The following CPSF3 variants were observed in gnomAD, a reference collection of about 807,000 sequenced individuals.
The protein encoded by CPSF3 is cleavage and polyadenylation specific factor 3.
Under a neutral mutation model 84.1 loss-of-function variants are expected in CPSF3, and 57 were observed. The ratio of observed to expected loss-of-function variants is 0.68; its 90% CI spans 0.55 to 0.85. CPSF3 has a LOEUF of 0.85. Ranked by LOEUF, CPSF3 falls within the 40% of genes least tolerant of loss-of-function variation. The pLI, the probability that CPSF3 is intolerant of heterozygous loss-of-function variation, is 0.00. For missense variants in CPSF3, 522 were observed against 838.8 expected, an observed-to-expected ratio of 0.62 and a Z score of 4.66; for synonymous variants, 275 against 278.1, an observed-to-expected ratio of 0.99 and a Z score of 0.11.
rs764956084 is a variant in CPSF3, at chr2:9,441,919, T to C, written c.1038T>C (p.Thr346=). 56 of 1,614,048 alleles carry C rather than the reference T, an allele frequency of 3.5e-5. 2 individuals are homozygous for C. The South Asian group carries it at 6.1e-4, about 18-fold the overall frequency. The part of the protein sequence containing the change: ...LSRELFESWC[T]DKRNGVIIAG... ...GAGAATTATTTGAAAGCTGGTGTAC[T>C]GATAAGAGGAATGGTGTCATTATAG... Residue 346 remains threonine (T), a synonymous_variant, in exon 9 of 18, where the codon ACT becomes ACC. Transcript: ENST00000238112.
At chr2:9,456,874 T>A (rs1681547768) in intron 13 of CPSF3, 59 bp from the exon 14 acceptor site, 1 of 1,020,732 alleles carries the variant, frequency 9.8e-7, no homozygotes, top group African/African-American at 1.6e-5. Flanking sequence ...AACAAACGAA[T>A]GGTCTCTGGA....
intron 11 of CPSF3, among the ~76,000 whole-genome samples, chr2:9,450,366 G>A (rs1162865438): frequency 6.6e-6 from 1 of 151,736 alleles, no homozygotes; most frequent in African/African-American, 2.4e-5. Flanking sequence ...CATTGGCCAG[G>A]CTGGTCTCGA....
chr2:9,447,986 G>C (rs948177271), intron 10 of CPSF3, among the ~76,000 whole-genome samples: 1 of 152,148 alleles, frequency 6.6e-6, no homozygotes, highest in Non-Finnish European at 1.5e-5. Flanking sequence ...TTTACTCTTT[G>C]TTCAAATAGT....
Position 9,432,653 on chromosome 2 carries a change from G to A in CPSF3, c.484G>A (p.Ala162Thr). The A allele has an allele frequency of 6.4e-7, 1 of 1,561,648 alleles. No homozygotes were observed. The highest frequency in any genetic ancestry group is 8.8e-7 in the Non-Finnish European group (1 of 1,141,354). ...WCYHAGHVLGAAMFMIEIAGV... is the reference protein window; with the variant it reads ...WCYHAGHVLGTAMFMIEIAGV... ...TTACCATGCAGGTCACGTCCTAGGAGCCGCCATGTTCATGATTGAGATCGC... is the reference window on the plus strand; with the variant it reads ...TTACCATGCAGGTCACGTCCTAGGAACCGCCATGTTCATGATTGAGATCGC... The change falls in exon 5 of 18, where the codon GCC becomes ACC. Residue 162 changes from alanine to threonine, a missense_variant. Ala to Thr is a moderately conservative substitution (Grantham distance 58, BLOSUM62 0). This residue lies in a region of CPSF3 where 329 missense variants were observed against 607.2 expected (regional missense o/e 0.54). Transcript: ENST00000238112.
intron 8 of CPSF3, among the ~76,000 whole-genome samples, chr2:9,441,308 G>A (rs1680953590): frequency 1.3e-5 from 2 of 152,228 alleles, no homozygotes; most frequent in Admixed American, 6.5e-5. Context: ...ACTTCCAGTT[G>A]TAAATAGGCT....
At chr2:9,448,773 T>C (rs1015057143) in intron 11 of CPSF3, among the ~76,000 whole-genome samples, 21 of 152,224 alleles carry the variant, frequency 1.4e-4, no homozygotes, top group African/African-American at 5.1e-4. Flanking sequence ...GCCAGGATGG[T>C]CTTGATCTCT....
At chr2:9,448,398 G>T (rs773517310) in intron 11 of CPSF3, 48 bp downstream of exon 11, 4 of 1,455,816 alleles carry the variant, frequency 2.7e-6, no homozygotes, top group Non-Finnish European at 3.7e-6. Flanking sequence ...TTTTCTTCAG[G>T]AAAGACTGTA....
At chr2:9,424,182 A>G (rs1680243948) in intron 1 of CPSF3, 1 of 1,035,080 alleles carries the variant, frequency 9.7e-7, no homozygotes, top group Non-Finnish European at 1.2e-6. Context: ...GAGCCGGTGA[A>G]GCTTATGACC....
intron 11 of CPSF3, 92 bp from the exon 12 acceptor site, chr2:9,452,821 G>A: frequency 2.7e-6 from 2 of 753,484 alleles, no homozygotes; most frequent in Non-Finnish European, 2.2e-6. Context: ...GTTCAAAGGT[G>A]TTATGGTCTT....
chr2:9,470,344 T>A (rs1682121423), intron 16 of CPSF3, among the ~76,000 whole-genome samples: 1 of 152,226 alleles, frequency 6.6e-6, no homozygotes, highest in Non-Finnish European at 1.5e-5. Context: ...CACTCCCCAC[T>A]TCCCCCGCTT....
chr2:9,447,361 C>A (rs1439343111), intron 10 of CPSF3, among the ~76,000 whole-genome samples: 2 of 151,478 alleles, frequency 1.3e-5, no homozygotes, highest in Non-Finnish European at 2.9e-5. Flanking sequence ...TGCCTGTAGT[C>A]CCAGCTACGT....
intron 14 of CPSF3, 31 bp from the exon 15 acceptor site, chr2:9,459,500 T>C (rs749378539): frequency 2.0e-6 from 3 of 1,486,084 alleles, no homozygotes; most frequent in Non-Finnish European, 2.8e-6. Context: ...CCTAGGTAGG[T>C]CACTTCCTAA....
At chr2:9,442,354 A>G (rs1013513740) in intron 9 of CPSF3, among the ~76,000 whole-genome samples, 8 of 152,208 alleles carry the variant, frequency 5.3e-5, no homozygotes, top group Non-Finnish European at 1.0e-4. Flanking sequence ...ACCACTTTCT[A>G]CTATTATGAA....
chr2:9,440,745 G>T, intron 8 of CPSF3, 79 bp downstream of exon 8: 1 of 1,399,288 alleles, frequency 7.1e-7, no homozygotes, highest in Non-Finnish European at 1.0e-6. Flanking sequence ...GGCCGTGAGT[G>T]ATGGCTCACA....
intron 7 of CPSF3, among the ~76,000 whole-genome samples, chr2:9,438,545 G>C (rs1387209021): frequency 6.7e-6 from 1 of 148,352 alleles, no homozygotes; most frequent in Non-Finnish European, 1.5e-5. Flanking sequence ...TGTCACCCAG[G>C]CTGGAGTGTG....
chr2:9,462,860 G>A (rs766492046), intron 15 of CPSF3, among the ~76,000 whole-genome samples: 23 of 152,182 alleles, frequency 1.5e-4, no homozygotes, highest in Admixed American at 3.9e-4. Flanking sequence ...GGCTGTTTCC[G>A]TGTGTTCCGT....
chr2:9,457,011 G>C lies in CPSF3; in HGVS notation c.1682G>C (p.Gly561Ala). The stretch of plus-strand genomic sequence containing the variant: ...AATATTACTGTAATACAAGAACCAG[G>C]CATGGTGGTATTAGAAGTAAGAAAA... ...FKNITVIQEP[G>A]MVVLEWLANP... Residue 561 changes from glycine to alanine, a missense_variant, in exon 14 of 18, where the codon GGC (glycine) becomes GCC (alanine). Gly to Ala is a moderately conservative substitution (Grantham distance 60). Around this residue, in one of 2 missense-constraint regions of CPSF3, gnomAD observed 193 missense variants for 231.6 expected, o/e 0.83. Coordinates refer to ENST00000238112, the MANE Select transcript of CPSF3 (RefSeq NM_016207.4). 1 of 1,591,962 alleles carries C rather than the reference G, an allele frequency of 6.3e-7. No individual in the cohort carries two copies. Among genetic ancestry groups the C allele is most frequent in the East Asian group, 2.2e-5 (1 of 44,610 alleles).
chr2:9,468,441 T>C (rs899356692), intron 16 of CPSF3, among the ~76,000 whole-genome samples: 3 of 151,684 alleles, frequency 2.0e-5, no homozygotes, highest in African/African-American at 4.8e-5. Context: ...CCCAGGCTGG[T>C]CTCAAATTCC....
intron 6 of CPSF3, 134 bp downstream of exon 6, chr2:9,434,094 CT>C: frequency 1.7e-6 from 1 of 575,256 alleles, no homozygotes; most frequent in Non-Finnish European, 3.0e-6. Flanking sequence ...TATAAGAAAA[CT>C]GGTGGCCGGG....
Sources: allele counts gnomAD v4.1 joint callset (sites outside exome capture counted in the v4.1 genomes callset), GRCh38; gene constraint gnomAD v4.1.1; regional missense constraint gnomAD v4.1.1; transcripts MANE v1.5; gene names NCBI Gene and HGNC (gene_info 2026-07-23, HGNC 2026-07-21).